Variants in GMPR observed in about 807,000 individuals in gnomAD.
GMPR encodes guanosine monophosphate reductase, also known as GMP reductase 1.
GMPR carries 31 observed loss-of-function variants against 38.4 expected under a neutral mutation model. The observed-to-expected ratio is 0.81, with a 90% CI of 0.61 to 1.09. The LOEUF (loss-of-function observed/expected upper bound fraction) is 1.09. GMPR is among the 50% of genes least tolerant of loss of function. The pLI, the probability that GMPR is intolerant of heterozygous loss-of-function variation, is 0.00. For synonymous variants in GMPR, 162 were observed against 173.3 expected (o/e 0.93, Z 0.51); for missense variants, 468 against 453.7 (o/e 1.03, Z -0.29).
At chr6:16,268,397 C>G (rs1326010998) in intron 4 of GMPR, among the ~76,000 whole-genome samples, 1 of 152,172 alleles carries the variant, frequency 6.6e-6, no homozygotes, top group Admixed American at 6.5e-5. Flanking sequence ...TAACTGCAGT[C>G]TCCGCCTCCC....
chr6:16,259,672 T>C (rs1042317576), intron 4 of GMPR, among the ~76,000 whole-genome samples: 5 of 152,086 alleles, frequency 3.3e-5, no homozygotes, highest in African/African-American at 1.2e-4. Context: ...TTATTGGTGA[T>C]GGCCTGGATA....
intron 5 of GMPR, among the ~76,000 whole-genome samples, chr6:16,276,781 T>C (rs1759480321): frequency 6.6e-6 from 1 of 152,222 alleles, no homozygotes; most frequent in South Asian, 2.1e-4. Flanking sequence ...TGTCTATTGA[T>C]TGATAGATTT....
chr6:16,271,593 G>A (rs1473239756), intron 4 of GMPR, among the ~76,000 whole-genome samples: 1 of 152,196 alleles, frequency 6.6e-6, no homozygotes, highest in Non-Finnish European at 1.5e-5. Context: ...GGAAGAACTG[G>A]AGCTCGCGCC....
intron 4 of GMPR, among the ~76,000 whole-genome samples, chr6:16,263,599 A>T (rs1759129337): frequency 6.6e-6 from 1 of 151,550 alleles, no homozygotes; most frequent in Non-Finnish European, 1.5e-5. Context: ...GGATGCAGAG[A>T]TAAGAGGTCG....
intron 4 of GMPR, among the ~76,000 whole-genome samples, chr6:16,258,888 T>A (rs148051587): frequency 1.2e-3 from 188 of 152,294 alleles, no homozygotes; most frequent in African/African-American, 4.2e-3. Context: ...TACAATACAG[T>A]GAACAGAAAG....
chr6:16,251,005 A>G (rs916897802), intron 3 of GMPR, among the ~76,000 whole-genome samples: 2 of 152,224 alleles, frequency 1.3e-5, no homozygotes, highest in African/African-American at 4.8e-5. Flanking sequence ...GTTAACCATA[A>G]GAGTTGCCAT....
Position 16,290,449 on chromosome 6 carries a change from C to G in GMPR, c.698-13C>G, listed in dbSNP as rs774900036. Reference sequence around the variant, plus strand: ...CTCTGCTACTCGCTTTCATCCCCACCGTTGGCATTTAGGAGCTGGAGCAGA... The same window carrying G: ...CTCTGCTACTCGCTTTCATCCCCACGGTTGGCATTTAGGAGCTGGAGCAGA... On this transcript the variant is annotated splice_polypyrimidine_tract_variant and intron_variant, in intron 7 of 8. Coordinates refer to ENST00000259727, the MANE Select transcript of GMPR (RefSeq NM_006877.4). The G allele has an allele frequency of 4.3e-6, 7 of 1,612,518 alleles. No homozygotes were observed. In the South Asian group the frequency reaches 5.5e-5, roughly 13 times the overall value.
At chr6:16,290,727 C>T (rs776214850) in intron 8 of GMPR, 106 bp downstream of exon 8, 12 of 934,876 alleles carry the variant, frequency 1.3e-5, no homozygotes, top group Admixed American at 2.4e-5. Flanking sequence ...ATTAAAGTAC[C>T]GTGGGAAGGG....
At chr6:16,258,809 C>A (rs1759026088) in intron 4 of GMPR, among the ~76,000 whole-genome samples, 3 of 152,034 alleles carry the variant, frequency 2.0e-5, no homozygotes, top group Admixed American at 1.3e-4. Flanking sequence ...TCACATTTTT[C>A]CAGTGTTTTG....
rs1416517095 is a variant in GMPR at position 16,250,384 on chromosome 6, G to T, written c.291+17G>T. 3 of 1,466,866 alleles carry T rather than the reference G, an allele frequency of 2.0e-6. No homozygotes were observed. Among genetic ancestry groups the T allele is most frequent in the Non-Finnish European group, 1.9e-6 (2 of 1,045,670 alleles). The allele number at this position is 1,466,866 out of a possible 1,614,324, so 90.9% of individuals were successfully genotyped here. On this transcript the variant is annotated intron_variant, in intron 3 of 8. Transcript: ENST00000259727. ...TGCCTGCAGGTACGACTACAGCCTG[G>T]TTATCAATTACCAGTGCTGCAGGGG...
chr6:16,282,402 A>G (rs1016841498), intron 6 of GMPR, among the ~76,000 whole-genome samples: 11 of 152,238 alleles, frequency 7.2e-5, no homozygotes, highest in African/African-American at 2.7e-4. Flanking sequence ...TTCCCAGCAA[A>G]ATGTGTTTAA....
intron 3 of GMPR, among the ~76,000 whole-genome samples, chr6:16,251,217 A>T (rs1758868464): frequency 6.6e-6 from 1 of 152,238 alleles, no homozygotes; most frequent in African/African-American, 2.4e-5. Flanking sequence ...CGTAAGAAGG[A>T]GTCAAGGTCT....
intron 5 of GMPR, among the ~76,000 whole-genome samples, chr6:16,278,523 G>A (rs1319625041): frequency 1.3e-5 from 2 of 152,166 alleles, no homozygotes; most frequent in African/African-American, 2.4e-5. Flanking sequence ...GGCAGTGACA[G>A]GTGCATGGTA....
At chr6:16,253,569 G>A (rs1758915004) in intron 3 of GMPR, among the ~76,000 whole-genome samples, 1 of 152,084 alleles carries the variant, frequency 6.6e-6, no homozygotes, top group Non-Finnish European at 1.5e-5. Context: ...ATTGATAAGG[G>A]ATCCACCCCC....
chr6:16,257,497 T>A (rs371731606), intron 4 of GMPR, among the ~76,000 whole-genome samples: 1 of 152,340 alleles, frequency 6.6e-6, no homozygotes, highest in African/African-American at 2.4e-5. Flanking sequence ...ATCTTTAATA[T>A]CATTTCCTAG....
intron 4 of GMPR, among the ~76,000 whole-genome samples, chr6:16,266,923 ACT>A (rs1211548237): frequency 6.6e-6 from 1 of 151,986 alleles, no homozygotes. Context: ...GAGCTGTAAC[ACT>A]CACTGCAAAG....
At chr6:16,271,306 C>T (rs1036428956) in intron 4 of GMPR, among the ~76,000 whole-genome samples, 2 of 151,970 alleles carry the variant, frequency 1.3e-5, no homozygotes, top group South Asian at 2.1e-4. Flanking sequence ...GGCAACAAGG[C>T]GAAACTCTGT....
chr6:16,253,875 C>T (rs1236904214), intron 3 of GMPR, among the ~76,000 whole-genome samples: 1 of 152,090 alleles, frequency 6.6e-6, no homozygotes, highest in Non-Finnish European at 1.5e-5. Flanking sequence ...ATTGTCCTCC[C>T]TTGAGTTTCC....
At chr6:16,285,587 G>A (rs1759662903) in intron 6 of GMPR, among the ~76,000 whole-genome samples, 1 of 152,240 alleles carries the variant, frequency 6.6e-6, no homozygotes, top group African/African-American at 2.4e-5. Flanking sequence ...AGGAAGCCTG[G>A]ATGGGCCTGG....
Sources: gnomAD v4.1 joint callset for allele counts (sites outside exome capture counted in the v4.1 genomes callset) on GRCh38, gnomAD v4.1.1 for gene constraint, MANE v1.5 for transcripts, NCBI Gene and HGNC (gene_info 2026-07-23, HGNC 2026-07-21) for gene names.